GSAP: variants seen among roughly 807,000 people sequenced by gnomAD.
GSAP encodes the protein gamma-secretase activating protein.
Under a neutral mutation model 131.7 loss-of-function variants are expected in GSAP, and 118 were observed. That is an observed-to-expected ratio of 0.90 (90% CI 0.77 to 1.04). The LOEUF is 1.04. Ranked by LOEUF, GSAP falls within the 50% of genes least tolerant of loss-of-function variation. GSAP has a pLI of 0.00. For missense variants in GSAP, 1,019 were observed against 1,013.2 expected (o/e 1.01, Z -0.08); for synonymous variants, 381 against 363.4 (o/e 1.05, Z -0.55).
At chr7:77,370,289 C>T (rs991829197) in intron 12 of GSAP, among the ~76,000 whole-genome samples, 1 of 152,128 alleles carries the variant, frequency 6.6e-6, no homozygotes, top group East Asian at 1.9e-4. Flanking sequence ...GAAACCCCGT[C>T]TCCACTAAAA....
At chr7:77,328,435 C>G in intron 22 of GSAP, 171 bp downstream of exon 22, 1 of 1,326,132 alleles carries the variant, frequency 7.5e-7, no homozygotes. Flanking sequence ...GGTGCCTAGA[C>G]AGACATGGGA....
chr7:77,378,521 A>AAC (rs966505875), intron 8 of GSAP, among the ~76,000 whole-genome samples: 2 of 142,366 alleles, frequency 1.4e-5, no homozygotes, highest in African/African-American at 5.7e-5. Context: ...AAAAAACAAC[A>AAC]AAAAAAAACA....
intron 12 of GSAP, among the ~76,000 whole-genome samples, chr7:77,363,665 T>G (rs911502323): frequency 1.3e-5 from 2 of 152,228 alleles, no homozygotes; most frequent in African/African-American, 4.8e-5. Context: ...GTTATAATAT[T>G]TATCAATTAT....
intron 1 of GSAP, among the ~76,000 whole-genome samples, chr7:77,415,146 G>C (rs1804124703): frequency 6.6e-6 from 1 of 152,110 alleles, no homozygotes; most frequent in Non-Finnish European, 1.5e-5. Context: ...TCCTTATTTG[G>C]AGCTAATAAT....
intron 6 of GSAP, among the ~76,000 whole-genome samples, chr7:77,384,002 A>T (rs1798172446): frequency 6.6e-6 from 1 of 152,282 alleles, no homozygotes; most frequent in Non-Finnish European, 1.5e-5. Flanking sequence ...AGTCAAAATT[A>T]TAAAATAGCA....
chr7:77,402,879 G>C (rs1230112908), intron 3 of GSAP, among the ~76,000 whole-genome samples: 1 of 152,086 alleles, frequency 6.6e-6, no homozygotes, highest in East Asian at 1.9e-4. Context: ...GGAATTCAAA[G>C]CACCTTTGTC....
intron 12 of GSAP, among the ~76,000 whole-genome samples, chr7:77,371,415 G>A (rs144329254): frequency 3.7e-4 from 53 of 142,986 alleles, no homozygotes; most frequent in African/African-American, 1.3e-3. Flanking sequence ...TCTCCAATCC[G>A]TCCTCCATCT....
At chr7:77,336,473 C>T (rs1036502879) in intron 19 of GSAP, among the ~76,000 whole-genome samples, 2 of 150,570 alleles carry the variant, frequency 1.3e-5, no homozygotes, top group Non-Finnish European at 3.0e-5. Flanking sequence ...TATCACTAGC[C>T]TCAAGCTCTT....
intron 9 of GSAP, 94 bp downstream of exon 9, chr7:77,377,192 C>CAGCAAGAG: frequency 8.2e-7 from 1 of 1,215,496 alleles, no homozygotes; most frequent in Non-Finnish European, 1.1e-6. Flanking sequence ...ACTCCAGCCT[C>CAGCAAGAG]AGCAAGAGAG....
At chr7:77,401,665 G>A (rs927154562) in intron 3 of GSAP, among the ~76,000 whole-genome samples, 1 of 152,184 alleles carries the variant, frequency 6.6e-6, no homozygotes. Flanking sequence ...ACCATGGAAA[G>A]AGCAAATATA....
At chr7:77,402,381 T>TAA (rs1180045969) in intron 3 of GSAP, among the ~76,000 whole-genome samples, 4 of 92,030 alleles carry the variant, frequency 4.3e-5, no homozygotes, top group South Asian at 3.4e-4. Flanking sequence ...CCATCTCTAC[T>TAA]AAAAAAAAAA....
chr7:77,391,561 C>T (rs114086014), intron 5 of GSAP, among the ~76,000 whole-genome samples: 1,987 of 152,276 alleles, frequency 0.013, 56 homozygotes, highest in African/African-American at 0.045. Flanking sequence ...AAGGTGCTCA[C>T]GCCTGTAATC....
chr7:77,392,086 G>A (rs1453238244), intron 5 of GSAP, among the ~76,000 whole-genome samples: 1 of 152,088 alleles, frequency 6.6e-6, no homozygotes, highest in African/African-American at 2.4e-5. Flanking sequence ...TTAGCCGGAA[G>A]TGGTGGTGGA....
intron 26 of GSAP, among the ~76,000 whole-genome samples, chr7:77,316,613 G>T (rs1794994624): frequency 6.6e-6 from 1 of 152,182 alleles, no homozygotes; most frequent in Non-Finnish European, 1.5e-5. Context: ...TATTTCTGAA[G>T]AAAAGTTTAC....
chr7:77,397,998 GTTGT>G (rs1233805032), intron 3 of GSAP, among the ~76,000 whole-genome samples: 1 of 151,858 alleles, frequency 6.6e-6, no homozygotes, highest in Non-Finnish European at 1.5e-5. Context: ...TTTCCTTGTT[GTTGT>G]TTAAAATGTT....
intron 10 of GSAP, among the ~76,000 whole-genome samples, chr7:77,375,336 G>A (rs991512928): frequency 1.3e-5 from 2 of 152,122 alleles, no homozygotes; most frequent in African/African-American, 4.8e-5. Context: ...TTCTTAAAGG[G>A]CTAATGCTTG....
chr7:77,397,910 C>G (rs1423378304), intron 3 of GSAP, among the ~76,000 whole-genome samples: 1 of 152,162 alleles, frequency 6.6e-6, no homozygotes, highest in African/African-American at 2.4e-5. Flanking sequence ...CATTAGTTTT[C>G]TTAGCCACTG....
At chr7:77,348,459 T>C (rs538089845) in intron 19 of GSAP, among the ~76,000 whole-genome samples, 1 of 152,136 alleles carries the variant, frequency 6.6e-6, no homozygotes, top group East Asian at 1.9e-4. Context: ...CCCCAGTGAA[T>C]CACTGTGACC....
chr7:77,405,108 A>C (rs182335271), intron 2 of GSAP, among the ~76,000 whole-genome samples: 139 of 152,324 alleles, frequency 9.1e-4, no homozygotes, highest in African/African-American at 3.1e-3. Context: ...AGTAAAGTTA[A>C]ATTTTCCTTA....
Sources: gnomAD v4.1 joint callset for allele counts (sites outside exome capture counted in the v4.1 genomes callset) on GRCh38, gnomAD v4.1.1 for gene constraint, MANE v1.5 for transcripts, NCBI Gene and HGNC (gene_info 2026-07-23, HGNC 2026-07-21) for gene names.